The following ABL2 variants were observed in gnomAD, a reference collection of about 807,000 sequenced individuals.
ABL2 encodes tyrosine-protein kinase ABL2.
Under a neutral mutation model 107.7 loss-of-function variants are expected in ABL2, and 49 were observed. That is an observed-to-expected ratio of 0.45 (90% CI 0.36 to 0.58). The LOEUF (loss-of-function observed/expected upper bound fraction) is 0.58. Among genes scored for constraint, ABL2 ranks in the 20% least tolerant of loss-of-function variants. ABL2 has a pLI of 0.00. For missense variants in ABL2, 1,245 were observed against 1,457.0 expected, an observed-to-expected ratio of 0.85 and a Z score of 2.37; for synonymous variants, 549 against 548.6, an observed-to-expected ratio of 1.00 and a Z score of -0.01.
chr1:179,227,115 T>G (rs1277396777), intron 1 of ABL2, among the ~76,000 whole-genome samples: 1 of 152,196 alleles, frequency 6.6e-6, no homozygotes, highest in Non-Finnish European at 1.5e-5. Context: ...TCTGCCAGAT[T>G]TTCCATAACC....
At chr1:179,210,496 T>C (rs1354684965) in intron 1 of ABL2, among the ~76,000 whole-genome samples, 1 of 78,202 alleles carries the variant, frequency 1.3e-5, no homozygotes, top group African/African-American at 5.1e-5. Flanking sequence ...AGCAAGACTC[T>C]AACTCACAAA....
At chr1:179,186,530 C>G (rs1255071661) in intron 1 of ABL2, among the ~76,000 whole-genome samples, 4 of 151,902 alleles carry the variant, frequency 2.6e-5, no homozygotes, top group Non-Finnish European at 5.9e-5. Flanking sequence ...AGGCGCCCAC[C>G]ACCATGCCCA....
At chr1:179,199,873 C>G (rs1661563208) in intron 1 of ABL2, among the ~76,000 whole-genome samples, 1 of 151,150 alleles carries the variant, frequency 6.6e-6, no homozygotes, top group Non-Finnish European at 1.5e-5. Flanking sequence ...GCTGGGACTA[C>G]AGGCATGTAC....
chr1:179,206,569 T>C (rs1010256125), intron 1 of ABL2, among the ~76,000 whole-genome samples: 1 of 149,936 alleles, frequency 6.7e-6, no homozygotes, highest in South Asian at 2.1e-4. Context: ...AGCTATATAA[T>C]AGCATCCATC....
chr1:179,149,953 C>T (rs78146813), intron 1 of ABL2, among the ~76,000 whole-genome samples: 3 of 152,100 alleles, frequency 2.0e-5, no homozygotes, highest in Admixed American at 6.6e-5. Context: ...CATTTTGGGC[C>T]GGGCATGGTG....
At chr1:179,207,855 TCTGA>T (rs1182551057) in intron 1 of ABL2, among the ~76,000 whole-genome samples, 1 of 152,174 alleles carries the variant, frequency 6.6e-6, no homozygotes, top group Non-Finnish European at 1.5e-5. Flanking sequence ...TGATTACATC[TCTGA>T]CTGATATTGT....
intron 1 of ABL2, among the ~76,000 whole-genome samples, chr1:179,215,678 G>C (rs1662524771): frequency 6.6e-6 from 1 of 151,392 alleles, no homozygotes; most frequent in African/African-American, 2.4e-5. Context: ...CTGGGCAACA[G>C]AGCCAGACTC....
Position 179,108,076 on chromosome 1 carries a change from C to A in ABL2, c.3191G>T (p.Gly1064Val). 1 of 1,614,228 alleles carries A rather than the reference C, an allele frequency of 6.2e-7. No homozygotes were observed. The highest frequency in any genetic ancestry group is 8.5e-7 in the Non-Finnish European group (1 of 1,180,058). The change falls in exon 12 of 12, where the codon GGT becomes GTT. Residue 1064 changes from glycine to valine, a missense_variant. Transcript: ENST00000502732. The part of the protein sequence containing the change: ...SPAKMANGTA[G>V]TKVALRKTKQ... ...GGTTTTTCTCAGAGCCACTTTAGTA[C>A]CTGCTGTGCCATTGGCCATTTTGGC...
At chr1:179,149,999 G>A (rs1019201286) in intron 1 of ABL2, among the ~76,000 whole-genome samples, 2 of 152,198 alleles carry the variant, frequency 1.3e-5, no homozygotes, top group South Asian at 2.1e-4. Flanking sequence ...TGGGAGGCCA[G>A]GGTGGGAGGG....
At chr1:179,225,807 C>T (rs191735498) in intron 1 of ABL2, among the ~76,000 whole-genome samples, 5 of 151,884 alleles carry the variant, frequency 3.3e-5, no homozygotes, top group Admixed American at 2.6e-4. Context: ...TTTGGGAGGC[C>T]GAAGAGGGCG....
chr1:179,194,864 C>T lies in ABL2; in HGVS notation c.157+34377G>A, dbSNP rs1661215215. Among the ~76,000 whole-genome samples the T allele has an allele frequency of 3.3e-5, 5 of 151,986 alleles. No individual in the cohort carries two copies. The South Asian group carries it at 1.0e-3, about 31-fold the overall frequency. ...AAAACAAAGACCAACAAGTCAACAA[C>T]AAAAAAGCAAACAGATTCAAAAATG... On this transcript the variant is annotated intron_variant, in intron 1 of 11. Coordinates refer to ENST00000502732, the MANE Select transcript of ABL2 (RefSeq NM_007314.4).
Position 179,229,392 on chromosome 1 carries a change from C to A in ABL2, c.6G>T (p.Gly2=). 6.5e-7 allele frequency: 1 copy of A among 1,539,966 alleles called. No individual in the cohort carries two copies. The highest frequency in any genetic ancestry group is 8.7e-7 in the Non-Finnish European group (1 of 1,151,916). M[G]QQVGRVGEAP... is the part of the protein sequence containing the mutation. ...CTTCCCCGACGCGGCCCACCTGCTG[C>A]CCCATCCCTGCTCTCGCGTACTCCC... is the stretch of plus-strand genomic sequence containing the variant. The change falls in exon 1 of 12, where the codon GGG becomes GGT. Residue 2 remains glycine, a synonymous_variant. Transcript: ENST00000502732.
rs369321148 is a variant in ABL2, at chr1:179,106,245, A to C, written c.*1473T>G. On this transcript the variant is annotated 3_prime_UTR_variant, in exon 12 of 12. Coordinates refer to ENST00000502732, the MANE Select transcript of ABL2 (RefSeq NM_007314.4). ...GAACATTAATAATACCTAACTCATT[A>C]GATTCACTTCCATGCCATCCTAATT... 2.1e-4 allele frequency: 48 copies of C among 227,350 alleles called. No individual in the cohort carries two copies. The highest frequency in any genetic ancestry group is 7.3e-4 in the African/African-American group (33 of 45,108). The allele number at this position is 227,350 out of a possible 1,614,324, so 14.1% of individuals were successfully genotyped here.
intron 1 of ABL2, among the ~76,000 whole-genome samples, chr1:179,203,849 C>A (rs1046476703): frequency 6.6e-6 from 1 of 152,188 alleles, no homozygotes; most frequent in African/African-American, 2.4e-5. Flanking sequence ...AACTGCCTGG[C>A]TCTTTGACCC....
In ABL2 at chr1:179,108,752, CCT is replaced by C; in HGVS notation, c.2513_2514del (p.Glu838GlyfsTer53). 6.2e-7 allele frequency: 1 copy of C among 1,614,182 alleles called. No homozygotes were observed. The highest frequency in any genetic ancestry group is 8.5e-7 in the Non-Finnish European group (1 of 1,180,030). ...RANDMLPKKS[E>X]ESAAPSRERP... is the part of the protein sequence containing the mutation. ...CTCTCCCTGCTTGGAGCAGCACTTT[CCT>C]CTGATTTTTTTGGAAGCATGTCATT... is the stretch of plus-strand genomic sequence containing the variant. On this transcript the variant is annotated frameshift_variant, in exon 12 of 12. Coordinates refer to ENST00000502732, the MANE Select transcript of ABL2 (RefSeq NM_007314.4). LOFTEE classifies it high-confidence loss of function.
At position 179,102,556 on chromosome 1, in the gene ABL2, T is replaced by C. The variant is rs549122723; in HGVS notation, c.*5162A>G. The C allele has an allele frequency of 1.8e-5, 4 of 227,624 alleles. No individual in the cohort carries two copies. Among genetic ancestry groups the C allele is most frequent in the East Asian group, 1.3e-4 (2 of 15,904 alleles). The allele number at this position is 227,624 out of a possible 1,614,324, so 14.1% of individuals were successfully genotyped here. A position where few individuals can be genotyped will look rare whatever the true frequency, so the allele number is the denominator to read the frequency against. On this transcript the variant is annotated 3_prime_UTR_variant, in exon 12 of 12. Coordinates refer to ENST00000502732, the MANE Select transcript of ABL2 (RefSeq NM_007314.4). ...CCACCTACAAAAAGAGGATTGGTCATAGCAGATCCTTAGGGCACAGAGATG... is the reference window on the plus strand; with the variant it reads ...CCACCTACAAAAAGAGGATTGGTCACAGCAGATCCTTAGGGCACAGAGATG...
chr1:179,144,907 G>C (rs1309034548), intron 1 of ABL2, among the ~76,000 whole-genome samples: 1 of 152,090 alleles, frequency 6.6e-6, no homozygotes, highest in Non-Finnish European at 1.5e-5. Context: ...TCCATATGTA[G>C]ACTCTATACC....
chr1:179,121,552 A>C lies in ABL2; in HGVS notation c.960+43T>G, dbSNP rs1461350191. ...CTGATATTTCCAAGTGATTGAGCAC[A>C]AAAGAAAAAGATGCCTGAAAACTGT... On this transcript the variant is annotated intron_variant, in intron 5 of 11. Transcript: ENST00000502732. 6 of 1,589,512 alleles carry C rather than the reference A, an allele frequency of 3.8e-6. No homozygotes were observed. The South Asian group carries it at 4.6e-5, about 12-fold the overall frequency.
chr1:179,131,207 G>A (rs1396188702), intron 3 of ABL2, 104 bp downstream of exon 3: 6 of 1,302,022 alleles, frequency 4.6e-6, no homozygotes, highest in South Asian at 4.5e-5. Context: ...GCCTCCCAAA[G>A]TGCTGAGATT....
Sources: gnomAD v4.1 joint callset for allele counts (sites outside exome capture counted in the v4.1 genomes callset) on GRCh38, gnomAD v4.1.1 for gene constraint, MANE v1.5 for transcripts, NCBI Gene and HGNC (gene_info 2026-07-23, HGNC 2026-07-21) for gene names.